Variants in PDLIM5 observed in about 807,000 individuals in gnomAD.
The protein encoded by PDLIM5 is PDZ and LIM domain 5, also known as PDZ and LIM domain protein 5.
In PDLIM5, 34 loss-of-function variants were observed where a neutral mutation model predicts 64.2. That is an observed-to-expected ratio of 0.53 (90% confidence interval 0.40 to 0.71). The LOEUF (loss-of-function observed/expected upper bound fraction) is 0.71, where lower values mean the gene tolerates loss of function less well. Ranked by LOEUF, PDLIM5 falls within the 30% of genes least tolerant of loss-of-function variation. The pLI is 0.00. For synonymous variants in PDLIM5, 253 were observed against 269.1 expected (o/e 0.94, Z 0.59); for missense variants, 683 against 733.6 (o/e 0.93, Z 0.80).
intron 9 of PDLIM5, among the ~76,000 whole-genome samples, chr4:94,645,046 G>A (rs917327847): frequency 2.0e-5 from 3 of 152,090 alleles, no homozygotes; most frequent in African/African-American, 7.2e-5. Context: ...AACCTAATTT[G>A]TAGTCTTTTA....
intron 7 of PDLIM5, among the ~76,000 whole-genome samples, chr4:94,606,326 C>T (rs1737916261): frequency 6.6e-6 from 1 of 152,090 alleles, no homozygotes; most frequent in African/African-American, 2.4e-5. Context: ...TATGACAGCA[C>T]ATGACAGGGG....
chr4:94,489,960 C>T (rs959841525), intron 2 of PDLIM5, among the ~76,000 whole-genome samples: 4 of 151,566 alleles, frequency 2.6e-5, no homozygotes, highest in African/African-American at 7.3e-5. Flanking sequence ...CAGGTCAGTA[C>T]GTATAGACAT....
chr4:94,455,677 C>T lies in PDLIM5; in HGVS notation c.96+293C>T, dbSNP rs1240951840. 1.2e-5 allele frequency: 12 copies of T among 1,007,226 alleles called. No individual in the cohort carries two copies. The East Asian group carries it at 2.6e-4, about 22-fold the overall frequency. The allele number at this position is 1,007,226 out of a possible 1,614,324, so 62.4% of individuals were successfully genotyped here. ...TGAACTGTCCCTAATTTGGGGAATT[C>T]TCTGAATCTTCGTTCTTTCATATAT... On this transcript the variant is annotated intron_variant, in intron 2 of 12. Transcript: ENST00000317968.
intron 3 of PDLIM5, among the ~76,000 whole-genome samples, chr4:94,571,981 G>C (rs368090982): frequency 7.2e-5 from 11 of 152,200 alleles, no homozygotes; most frequent in African/African-American, 2.7e-4. Context: ...CATTAGGTTA[G>C]CCAATTCTCA....
intron 2 of PDLIM5, among the ~76,000 whole-genome samples, chr4:94,465,259 A>G (rs944256326): frequency 4.6e-5 from 7 of 152,094 alleles, no homozygotes; most frequent in African/African-American, 1.7e-4. Context: ...TCTTTCCTGT[A>G]TTAAATAATA....
intron 2 of PDLIM5, among the ~76,000 whole-genome samples, chr4:94,473,803 T>C (rs1218204023): frequency 6.6e-6 from 1 of 152,162 alleles, no homozygotes; most frequent in Non-Finnish European, 1.5e-5. Flanking sequence ...TTTTAAAAGG[T>C]TGTCAGTGGT....
intron 8 of PDLIM5, among the ~76,000 whole-genome samples, chr4:94,620,326 G>T (rs1169190837): frequency 1.3e-5 from 2 of 152,104 alleles, no homozygotes; most frequent in African/African-American, 4.8e-5. Context: ...TTGAGCCCAG[G>T]AGTTTGAGAT....
chr4:94,462,276 C>T (rs910753210), intron 2 of PDLIM5, among the ~76,000 whole-genome samples: 5 of 152,148 alleles, frequency 3.3e-5, no homozygotes, highest in Non-Finnish European at 7.4e-5. Flanking sequence ...TGGAAGCCAC[C>T]TGTGTTAGTA....
chr4:94,540,134 T>C (rs1427999171), intron 3 of PDLIM5, among the ~76,000 whole-genome samples: 13 of 35,684 alleles, frequency 3.6e-4, no homozygotes, highest in Non-Finnish European at 5.8e-4. Flanking sequence ...CTATTCTTCT[T>C]TTTTTTTTTT....
chr4:94,499,021 G>A lies in PDLIM5; in HGVS notation c.97-24703G>A, dbSNP rs540600876. ...AAATTATTTTATGGAAGTATTTAGG[G>A]TTGGGTATTGTGGTCTACTTTAGTA... On this transcript the variant is annotated intron_variant, in intron 2 of 12. Transcript: ENST00000317968. Among the ~76,000 whole-genome samples, 37 of 152,274 alleles carry A rather than the reference G, an allele frequency of 2.4e-4. 1 individual carries two copies. In the South Asian group the frequency reaches 6.2e-3, roughly 26 times the overall value.
chr4:94,528,862 C>T (rs1730607563), intron 3 of PDLIM5, among the ~76,000 whole-genome samples: 2 of 152,166 alleles, frequency 1.3e-5, no homozygotes, highest in Non-Finnish European at 2.9e-5. Context: ...TATCCAATAA[C>T]CTTCTCACTG....
chr4:94,536,723 C>A (rs1031500630), intron 3 of PDLIM5, among the ~76,000 whole-genome samples: 2 of 152,166 alleles, frequency 1.3e-5, no homozygotes, highest in Non-Finnish European at 2.9e-5. Context: ...ACAAGCTGGT[C>A]ATTGTCCTTT....
intron 7 of PDLIM5, among the ~76,000 whole-genome samples, chr4:94,614,603 A>G (rs1412594679): frequency 1.3e-5 from 2 of 152,198 alleles, no homozygotes; most frequent in South Asian, 2.1e-4. Flanking sequence ...ATTGAACTTC[A>G]GATCAATTCT....
intron 8 of PDLIM5, among the ~76,000 whole-genome samples, chr4:94,632,969 T>G (rs886694289): frequency 1.3e-5 from 2 of 152,306 alleles, no homozygotes; most frequent in South Asian, 4.1e-4. Context: ...GCCAGTAAGT[T>G]ATTAGTAATT....
chr4:94,556,475 T>C (rs572575447), intron 3 of PDLIM5, among the ~76,000 whole-genome samples: 1 of 152,168 alleles, frequency 6.6e-6, no homozygotes, highest in Non-Finnish European at 1.5e-5. Context: ...CTTGAGGAAT[T>C]GCCACACTGT....
chr4:94,608,332 G>A (rs1025728571), intron 7 of PDLIM5, among the ~76,000 whole-genome samples: 2 of 152,284 alleles, frequency 1.3e-5, no homozygotes, highest in South Asian at 2.1e-4. Context: ...TCAAAACAGC[G>A]CTTCTCACTG....
chr4:94,533,430 T>C (rs1188243632), intron 3 of PDLIM5, among the ~76,000 whole-genome samples: 1 of 152,232 alleles, frequency 6.6e-6, no homozygotes, highest in Non-Finnish European at 1.5e-5. Context: ...AAAAATTTTT[T>C]TGGATCACAC....
At chr4:94,592,559 A>G (rs1033875443) in intron 7 of PDLIM5, among the ~76,000 whole-genome samples, 1 of 152,184 alleles carries the variant, frequency 6.6e-6, no homozygotes, top group Non-Finnish European at 1.5e-5. Flanking sequence ...ATCCAGCCCA[A>G]TATGCCAATT....
intron 9 of PDLIM5, among the ~76,000 whole-genome samples, chr4:94,644,935 A>G (rs1198740361): frequency 1.3e-5 from 2 of 151,656 alleles, no homozygotes; most frequent in Non-Finnish European, 1.5e-5. Context: ...TTTTATTTCC[A>G]TAGGTTTTTG....
Sources: allele counts gnomAD v4.1 joint callset (sites outside exome capture counted in the v4.1 genomes callset), GRCh38; gene constraint gnomAD v4.1.1; transcripts MANE v1.5; gene names NCBI Gene and HGNC (gene_info 2026-07-23, HGNC 2026-07-21).